Variants in SULF2 observed in about 807,000 individuals in gnomAD.
SULF2 encodes extracellular sulfatase Sulf-2.
In SULF2, 52 loss-of-function variants were observed where a neutral mutation model predicts 107.7. That is an observed-to-expected ratio of 0.48 (90% CI 0.39 to 0.61). The LOEUF (loss-of-function observed/expected upper bound fraction) is 0.61, where lower values mean the gene tolerates loss of function less well. Ranked by LOEUF, SULF2 falls within the 20% of genes least tolerant of loss-of-function variation. The pLI, the probability that SULF2 is intolerant of heterozygous loss-of-function variation, is 0.00. For synonymous variants in SULF2, 460 were observed against 464.3 expected (o/e 0.99, Z 0.12); for missense variants, 993 against 1,177.3 (o/e 0.84, Z 2.29).
At position 47,680,804 on chromosome 20, in the gene SULF2, G is replaced by A. The variant is rs773902591; in HGVS notation, c.1065-2000C>T. On this transcript the variant is annotated intron_variant, in intron 7 of 20. Coordinates refer to ENST00000688720, the MANE Select transcript of SULF2 (RefSeq NM_001387048.1). The surrounding 1 kb of genome is among the most constrained non-coding windows in gnomAD (Gnocchi z 4.2). ...GGGGCTGAGCTTGTCCAGTGGTCCC[G>A]CTCCCCCAGGCTCAGGGGAAGGAGG... Among the ~76,000 whole-genome samples, 2 of 152,182 alleles carry A rather than the reference G, an allele frequency of 1.3e-5. No homozygotes were observed. The highest frequency in any genetic ancestry group is 2.4e-5 in the African/African-American group (1 of 41,428).
chr20:47,730,105 C>T (rs1001556011), intron 3 of SULF2, among the ~76,000 whole-genome samples: 1 of 152,128 alleles, frequency 6.6e-6, no homozygotes, highest in Admixed American at 6.5e-5. Flanking sequence ...GGTTCTGGTC[C>T]TCAGCTGACC....
chr20:47,784,293 A>T (rs373638321), intron 1 of SULF2, among the ~76,000 whole-genome samples: 1 of 152,216 alleles, frequency 6.6e-6, no homozygotes, highest in East Asian at 1.9e-4. Flanking sequence ...GAATGTAATT[A>T]CTTGGTTAAT....
intron 4 of SULF2, among the ~76,000 whole-genome samples, chr20:47,700,347 G>A (rs763499358): frequency 3.3e-4 from 50 of 152,308 alleles, no homozygotes; most frequent in Middle Eastern, 3.4e-3. Flanking sequence ...GTGGTAACAG[G>A]ACTGTAAGCC....
At chr20:47,701,448 C>A (rs1427302672) in intron 4 of SULF2, among the ~76,000 whole-genome samples, 1 of 152,194 alleles carries the variant, frequency 6.6e-6, no homozygotes, top group Non-Finnish European at 1.5e-5. Flanking sequence ...TACCTCATGT[C>A]AATTCATCTT....
At chr20:47,661,116 C>G (rs1488812888) in intron 18 of SULF2, among the ~76,000 whole-genome samples, 4 of 152,116 alleles carry the variant, frequency 2.6e-5, no homozygotes, top group African/African-American at 9.7e-5. Context: ...CTACCGTGGC[C>G]TAGGAAGCCC....
upstream of SULF2, chr20:47,785,880 C>A: frequency 6.5e-6 from 1 of 153,022 alleles, no homozygotes; most frequent in South Asian, 1.8e-4. Flanking sequence ...CCTGCCTGTC[C>A]CCGGCGCACG....
Position 47,659,738 on chromosome 20 carries a change from A to G in SULF2, c.2495-8T>C. On this transcript the variant is annotated splice_region_variant and splice_polypyrimidine_tract_variant and intron_variant, in intron 18 of 20. Transcript: ENST00000688720. Reference sequence around the variant, plus strand: ...TTCCTCCATCTTTAAGTCCTAAATGAAGGAGAAATGAAAAACAAAACAGGA... The same window carrying G: ...TTCCTCCATCTTTAAGTCCTAAATGGAGGAGAAATGAAAAACAAAACAGGA... 6.2e-7 allele frequency: 1 copy of G among 1,612,084 alleles called. No individual in the cohort carries two copies. The highest frequency in any genetic ancestry group is 8.5e-7 in the Non-Finnish European group (1 of 1,178,610).
chr20:47,661,892 A>G lies in SULF2; in HGVS notation c.2375T>C (p.Met792Thr). Residue 792 changes from methionine (M) to threonine (T), a missense_variant, in exon 18 of 21, where the codon ATG (methionine) becomes ACG (threonine). Around this residue, in one of 3 missense-constraint regions of SULF2, gnomAD observed 497 missense variants for 544.1 expected, o/e 0.91. Transcript: ENST00000688720. ...FDLNTDPYQL[M>T]NAVNTLDRDV... Reference sequence around the variant, plus strand: ...CCTGTCCAGTGTGTTCACTGCATTCATCAGCTGGTTGCAAAAAAGGTAGTC... The same window carrying G: ...CCTGTCCAGTGTGTTCACTGCATTCGTCAGCTGGTTGCAAAAAAGGTAGTC... 1 of 1,554,026 alleles carries G rather than the reference A, an allele frequency of 6.4e-7. No homozygotes were observed. The highest frequency in any genetic ancestry group is 8.8e-7 in the Non-Finnish European group (1 of 1,140,032).
At chr20:47,744,022 G>A (rs200106252) in intron 2 of SULF2, among the ~76,000 whole-genome samples, 5 of 152,208 alleles carry the variant, frequency 3.3e-5, no homozygotes, top group South Asian at 2.1e-4. Context: ...TGGTGCTTCC[G>A]TGTGAGTAAA....
At chr20:47,761,534 T>C (rs1176860464) in intron 1 of SULF2, among the ~76,000 whole-genome samples, 1 of 152,232 alleles carries the variant, frequency 6.6e-6, no homozygotes, top group Non-Finnish European at 1.5e-5. Flanking sequence ...GTAGAGCTAA[T>C]TGTACAAATA....
chr20:47,692,486 G>C (rs1427445147), intron 4 of SULF2, among the ~76,000 whole-genome samples: 6 of 152,226 alleles, frequency 3.9e-5, no homozygotes, highest in African/African-American at 1.4e-4. Context: ...TCATAGCTCA[G>C]TGTAACCCTG....
At chr20:47,765,136 G>C (rs570551569) in intron 1 of SULF2, among the ~76,000 whole-genome samples, 7 of 152,088 alleles carry the variant, frequency 4.6e-5, no homozygotes, top group Non-Finnish European at 8.8e-5. Flanking sequence ...CGGATCACGA[G>C]GTCAGGAGAT....
chr20:47,690,597 G>A (rs2146540380), intron 4 of SULF2, among the ~76,000 whole-genome samples: 1 of 152,346 alleles, frequency 6.6e-6, no homozygotes, highest in Admixed American at 6.5e-5. Flanking sequence ...AATAGGCTGG[G>A]TGGGATGGCT....
At chr20:47,739,735 CTGCCTAGCACAG>C (rs1284965154) in intron 2 of SULF2, among the ~76,000 whole-genome samples, 26 of 152,382 alleles carry the variant, frequency 1.7e-4, no homozygotes, top group Non-Finnish European at 3.4e-4. Context: ...ACTTTGTTCA[CTGCCTAGCACAG>C]TGCCTGGCAC....
At chr20:47,747,433 T>C (rs994340529) in intron 2 of SULF2, among the ~76,000 whole-genome samples, 55 of 152,126 alleles carry the variant, frequency 3.6e-4, no homozygotes, top group African/African-American at 1.3e-3. Context: ...AATTCTGCTA[T>C]GGTCATCGTC....
chr20:47,729,509 C>A (rs541519810), intron 3 of SULF2, among the ~76,000 whole-genome samples: 2 of 152,160 alleles, frequency 1.3e-5, no homozygotes, highest in Admixed American at 1.3e-4. Flanking sequence ...CTGGTGGCAG[C>A]AGAGGGGACT....
intron 2 of SULF2, among the ~76,000 whole-genome samples, chr20:47,742,283 G>C (rs1240901013): frequency 6.6e-6 from 1 of 152,190 alleles, no homozygotes; most frequent in Non-Finnish European, 1.5e-5. Context: ...TGAACGACAC[G>C]GCCACACAGA....
Position 47,680,455 on chromosome 20 carries a change from T to G in SULF2, c.1065-1651A>C, listed in dbSNP as rs551564539. 5.3e-4 allele frequency among the ~76,000 whole-genome samples: 81 copies of G among 152,348 alleles called. No individual in the cohort carries two copies. The highest frequency in any genetic ancestry group is 2.0e-3 in the Admixed American group (30 of 15,308). ...TGTAGGGTAAGGGACTTAAGGGGTGTGCCCAGCACAGGACCCAGGACCTGT... is the reference window on the plus strand; with the variant it reads ...TGTAGGGTAAGGGACTTAAGGGGTGGGCCCAGCACAGGACCCAGGACCTGT... On this transcript the variant is annotated intron_variant, in intron 7 of 20. Coordinates refer to ENST00000688720, the MANE Select transcript of SULF2 (RefSeq NM_001387048.1). This position sits in a 1 kb window ranked among gnomAD's most constrained non-coding sequence, Gnocchi z 4.2.
intron 1 of SULF2, among the ~76,000 whole-genome samples, chr20:47,782,607 C>T (rs1319924219): frequency 6.6e-6 from 1 of 152,156 alleles, no homozygotes; most frequent in Non-Finnish European, 1.5e-5. Flanking sequence ...GGTCTCACCT[C>T]TAGGAGAGCT....
Sources: gnomAD v4.1 joint callset for allele counts (sites outside exome capture counted in the v4.1 genomes callset) on GRCh38, gnomAD v4.1.1 for gene constraint, gnomAD v4.1.1 regional missense constraint, Gnocchi (gnomAD v3.1) non-coding constraint, MANE v1.5 for transcripts, NCBI Gene and HGNC (gene_info 2026-07-23, HGNC 2026-07-21) for gene names.